Variants in VWA3A observed in about 807,000 individuals in gnomAD.
VWA3A encodes the protein von Willebrand factor A domain containing 3A.
In VWA3A, 134 loss-of-function variants were observed where a neutral mutation model predicts 160.4. The observed-to-expected ratio is 0.84, with a 90% CI of 0.73 to 0.96. The LOEUF (loss-of-function observed/expected upper bound fraction) is 0.96, where lower values mean the gene tolerates loss of function less well. Among genes scored for constraint, VWA3A ranks in the 40% least tolerant of loss-of-function variants. The pLI is 0.00. For missense variants in VWA3A, 1,310 were observed against 1,447.9 expected, an observed-to-expected ratio of 0.90 and a Z score of 1.55; for synonymous variants, 476 against 543.4, an observed-to-expected ratio of 0.88 and a Z score of 1.72.
chr16:22,119,553 T>A (rs1171967905), intron 12 of VWA3A, among the ~76,000 whole-genome samples: 2 of 152,104 alleles, frequency 1.3e-5, no homozygotes, highest in Non-Finnish European at 2.9e-5. Context: ...TGCCTGTAGT[T>A]CCAGCTACTC....
At chr16:22,130,241 G>T (rs750097852) in intron 17 of VWA3A, among the ~76,000 whole-genome samples, 1 of 152,176 alleles carries the variant, frequency 6.6e-6, no homozygotes, top group Non-Finnish European at 1.5e-5. Flanking sequence ...GTGAGGAAGT[G>T]GTGGTATACT....
chr16:22,154,658 T>TA (rs2046407212), intron 31 of VWA3A, among the ~76,000 whole-genome samples: 1 of 151,666 alleles, frequency 6.6e-6, no homozygotes, highest in Non-Finnish European at 1.5e-5. Flanking sequence ...ACATTTTTTT[T>TA]AAAAAGCATG....
intron 8 of VWA3A, among the ~76,000 whole-genome samples, chr16:22,113,363 C>CTT (rs569069206): frequency 0.018 from 835 of 46,236 alleles, 94 homozygotes; most frequent in Middle Eastern, 0.067. Context: ...GGCTAATTTT[C>CTT]TTTTTTTTTT....
intron 15 of VWA3A, chr16:22,123,409 G>A: frequency 6.7e-7 from 1 of 1,489,652 alleles, no homozygotes; most frequent in East Asian, 2.5e-5. Flanking sequence ...TTCCCCATTT[G>A]ATGCAATGAA....
At chr16:22,098,911 CAAAAAAA>C (rs900328333) in intron 3 of VWA3A, among the ~76,000 whole-genome samples, 17 of 41,058 alleles carry the variant, frequency 4.1e-4, no homozygotes, top group South Asian at 9.5e-4. Flanking sequence ...CCTGTTTCCA[CAAAAAAA>C]AAAAAAAAAA....
At chr16:22,109,192 T>C (rs574102690) in intron 6 of VWA3A, among the ~76,000 whole-genome samples, 3 of 152,320 alleles carry the variant, frequency 2.0e-5, no homozygotes, top group East Asian at 3.9e-4. Context: ...TGCTTTTCTA[T>C]AGTCTCCAGA....
chr16:22,122,768 C>T (rs1335176355), intron 14 of VWA3A, among the ~76,000 whole-genome samples: 1 of 152,102 alleles, frequency 6.6e-6, no homozygotes, highest in Non-Finnish European at 1.5e-5. Context: ...ACCCTCCAAC[C>T]ATATCTTCAT....
intron 5 of VWA3A, 91 bp from the exon 6 acceptor site, chr16:22,103,384 A>G: frequency 8.1e-7 from 1 of 1,239,712 alleles, no homozygotes; most frequent in African/African-American, 1.5e-5. Context: ...AAAAAAAACA[A>G]TTATTCATAC....
intron 1 of VWA3A, among the ~76,000 whole-genome samples, chr16:22,093,962 A>G (rs1901439157): frequency 6.7e-6 from 1 of 149,218 alleles, no homozygotes; most frequent in Non-Finnish European, 1.5e-5. Context: ...TTATATAGAG[A>G]CGGGGTCTCG....
rs151241910 is a variant in VWA3A at position 22,107,740 on chromosome 16, C to T, written c.484-1742C>T. Among the ~76,000 whole-genome samples, 21 of 152,208 alleles carry T rather than the reference C, an allele frequency of 1.4e-4. No individual in the cohort carries two copies. The East Asian group carries it at 1.9e-3, about 14-fold the overall frequency. ...ATGGAAGCTCTTGTTAAAATAAAGACTCTAATTAGGTAAGCCTGGAGTGGG... is the reference window on the plus strand; with the variant it reads ...ATGGAAGCTCTTGTTAAAATAAAGATTCTAATTAGGTAAGCCTGGAGTGGG... On this transcript the variant is annotated intron_variant, in intron 6 of 33. Transcript: ENST00000389398.
At position 22,138,444 on chromosome 16, in the gene VWA3A, C is replaced by T; in HGVS notation, c.2224C>T (p.Leu742Phe). 6.2e-7 allele frequency: 1 copy of T among 1,613,738 alleles called. No individual in the cohort carries two copies. The highest frequency in any genetic ancestry group is 8.5e-7 in the Non-Finnish European group (1 of 1,179,814). Residue 742 changes from leucine to phenylalanine, a missense_variant, in exon 22 of 34, where the codon CTT (leucine) becomes TTT (phenylalanine). By Grantham distance (22) the Leu-to-Phe change is conservative. Transcript: ENST00000389398. ...CCTCCCGAAAGAAAAACCAAAGACA[C>T]TTCAGCTAAGAAGTCAGCCCAAGAA... Reference protein sequence around the residue: ...SALPKEKPKTLQLRSQPKKLC... With the variant: ...SALPKEKPKTFQLRSQPKKLC...
chr16:22,099,817 G>A (rs2045379950), intron 3 of VWA3A, among the ~76,000 whole-genome samples: 1 of 152,216 alleles, frequency 6.6e-6, no homozygotes, highest in African/African-American at 2.4e-5. Context: ...GCCCATGCCT[G>A]TAATCCCAGC....
chr16:22,146,904 T>G (rs993044785), intron 27 of VWA3A, among the ~76,000 whole-genome samples: 6 of 152,316 alleles, frequency 3.9e-5, no homozygotes, highest in African/African-American at 1.2e-4. Flanking sequence ...CTGCCACACC[T>G]TGCCTTCCTG....
intron 22 of VWA3A, 188 bp downstream of exon 22, chr16:22,138,700 T>C (rs1321828377): frequency 2.6e-6 from 2 of 762,220 alleles, no homozygotes; most frequent in Non-Finnish European, 4.1e-6. Flanking sequence ...GCTCCTCAGC[T>C]CTCGGGGTCC....
chr16:22,092,877 G>A (rs1250913035), intron 1 of VWA3A, among the ~76,000 whole-genome samples: 1 of 152,080 alleles, frequency 6.6e-6, no homozygotes, highest in Admixed American at 6.5e-5. Flanking sequence ...AAGTGAAGGG[G>A]CAGCGACAGG....
chr16:22,097,540 G>T, intron 2 of VWA3A, 32 bp from the exon 3 acceptor site: 1 of 1,549,468 alleles, frequency 6.5e-7, no homozygotes, highest in South Asian at 1.2e-5. Context: ...CCCAGTGCTG[G>T]GGCATTGATC....
At chr16:22,094,319 GT>G (rs553099796) in intron 1 of VWA3A, among the ~76,000 whole-genome samples, 2,139 of 139,176 alleles carry the variant, frequency 0.015, 23 homozygotes, top group South Asian at 0.037. Context: ...AGTAAAGCCA[GT>G]TTTTTTTTTT....
intron 2 of VWA3A, 36 bp from the exon 3 acceptor site, chr16:22,097,536 G>A (rs760955305): frequency 1.9e-6 from 3 of 1,548,866 alleles, no homozygotes; most frequent in African/African-American, 2.8e-5. Flanking sequence ...TATGCCCAGT[G>A]CTGGGGCATT....
chr16:22,127,986 C>G (rs1567211430), intron 17 of VWA3A, among the ~76,000 whole-genome samples: 1 of 152,012 alleles, frequency 6.6e-6, no homozygotes, highest in Non-Finnish European at 1.5e-5. Context: ...TAGATGTTTG[C>G]CTAGCACCTG....
Sources: allele counts gnomAD v4.1 joint callset (sites outside exome capture counted in the v4.1 genomes callset), GRCh38; gene constraint gnomAD v4.1.1; transcripts MANE v1.5; gene names NCBI Gene and HGNC (gene_info 2026-07-23, HGNC 2026-07-21).